Variants in PTPRD observed in about 807,000 individuals in gnomAD.
PTPRD encodes protein tyrosine phosphatase receptor type D, also known as receptor-type tyrosine-protein phosphatase delta.
In PTPRD, 34 loss-of-function variants were observed where a neutral mutation model predicts 214.5. The observed-to-expected ratio is 0.16, with a 90% CI of 0.12 to 0.21. The LOEUF (loss-of-function observed/expected upper bound fraction) is 0.21. PTPRD is among the 10% of genes least tolerant of loss of function. PTPRD has a pLI of 1.00. For synonymous variants in PTPRD, 1,128 were observed against 845.7 expected (o/e 1.33, Z -5.79); for missense variants, 2,545 against 2,398.7 (o/e 1.06, Z -1.27).
intron 10 of PTPRD, among the ~76,000 whole-genome samples, chr9:9,019,386 G>A (rs1247856460): frequency 6.6e-6 from 1 of 151,546 alleles, no homozygotes; most frequent in South Asian, 2.1e-4. Flanking sequence ...ATTAGGCTGA[G>A]GGCTTATTAA....
intron 8 of PTPRD, among the ~76,000 whole-genome samples, chr9:9,451,596 A>C (rs1023772151): frequency 4.3e-4 from 66 of 151,806 alleles, no homozygotes; most frequent in African/African-American, 1.5e-3. Flanking sequence ...TAAGGCAGCA[A>C]GTTGGTATGA....
intron 21 of PTPRD, among the ~76,000 whole-genome samples, chr9:8,513,837 T>C (rs1051077129): frequency 6.6e-6 from 1 of 152,064 alleles, no homozygotes; most frequent in African/African-American, 2.4e-5. Flanking sequence ...ATCAAATCAT[T>C]GTGCTATTTT....
chr9:9,188,037 A>G (rs1593178913), intron 9 of PTPRD, among the ~76,000 whole-genome samples: 2 of 152,090 alleles, frequency 1.3e-5, no homozygotes, highest in African/African-American at 4.8e-5. Flanking sequence ...TTCCAGTAAT[A>G]CATACTTCAT....
chr9:8,516,447 G>A (rs916611131), intron 21 of PTPRD, among the ~76,000 whole-genome samples: 26 of 152,086 alleles, frequency 1.7e-4, no homozygotes, highest in Non-Finnish European at 2.5e-4. Flanking sequence ...AAAGGCAGGC[G>A]AACTATTAAT....
intron 8 of PTPRD, among the ~76,000 whole-genome samples, chr9:9,422,803 C>T (rs1325758179): frequency 6.6e-6 from 1 of 152,106 alleles, no homozygotes; most frequent in Non-Finnish European, 1.5e-5. Flanking sequence ...AGATAGTTTT[C>T]CTTGAGACCT....
Position 8,527,335 on chromosome 9 carries a change from A to G in PTPRD, c.550+10T>C. 6.2e-7 allele frequency: 1 copy of G among 1,607,220 alleles called. No homozygotes were observed. The highest frequency in any genetic ancestry group is 2.2e-5 in the East Asian group (1 of 44,796). On this transcript the variant is annotated intron_variant, in intron 16 of 45. Coordinates refer to ENST00000381196, the MANE Select transcript of PTPRD (RefSeq NM_002839.4). ...TGGGGTTGAAGTGCGCTTCAGAACTAAGCACTTACCAATAGATTCTGGAGA... is the reference window on the plus strand; with the variant it reads ...TGGGGTTGAAGTGCGCTTCAGAACTGAGCACTTACCAATAGATTCTGGAGA...
intron 9 of PTPRD, among the ~76,000 whole-genome samples, chr9:9,218,514 C>T (rs1322247781): frequency 6.6e-6 from 1 of 152,064 alleles, no homozygotes; most frequent in Admixed American, 6.6e-5. Flanking sequence ...ATAGGTCTGA[C>T]AATTTTAGGT....
intron 2 of PTPRD, among the ~76,000 whole-genome samples, chr9:10,597,120 A>G (rs1000241864): frequency 2.0e-5 from 3 of 151,410 alleles, no homozygotes; most frequent in Non-Finnish European, 4.4e-5. Flanking sequence ...TATTTCACAT[A>G]TATGTATGAC....
intron 14 of PTPRD, among the ~76,000 whole-genome samples, chr9:8,581,536 C>G (rs917293106): frequency 1.1e-4 from 16 of 148,316 alleles, no homozygotes; most frequent in African/African-American, 3.0e-4. Context: ...ATCACGAGGT[C>G]AGGATATTGA....
At chr9:9,408,676 A>G (rs2074367831) in intron 8 of PTPRD, among the ~76,000 whole-genome samples, 1 of 151,946 alleles carries the variant, frequency 6.6e-6, no homozygotes, top group Non-Finnish European at 1.5e-5. Flanking sequence ...CTGGGTTATC[A>G]GACAGAACAT....
intron 6 of PTPRD, among the ~76,000 whole-genome samples, chr9:9,742,750 CT>C (rs1564913386): frequency 6.6e-6 from 1 of 152,080 alleles, no homozygotes; most frequent in Admixed American, 6.6e-5. Context: ...TTAGACACAC[CT>C]GTTATAAATA....
chr9:8,819,708 A>G (rs1200421938), intron 11 of PTPRD, among the ~76,000 whole-genome samples: 1 of 152,128 alleles, frequency 6.6e-6, no homozygotes, highest in Admixed American at 6.6e-5. Context: ...AACTTTCTAC[A>G]TTACATTTTA....
At chr9:9,769,366 C>T (rs2098733488) in intron 5 of PTPRD, among the ~76,000 whole-genome samples, 1 of 113,756 alleles carries the variant, frequency 8.8e-6, no homozygotes, top group Non-Finnish European at 1.7e-5. Context: ...CACTGTGTCA[C>T]CTAGGCTGGA....
intron 10 of PTPRD, among the ~76,000 whole-genome samples, chr9:9,101,863 A>T (rs10977493): frequency 0.096 from 14,619 of 152,280 alleles, 843 homozygotes; most frequent in East Asian, 0.16. Flanking sequence ...CCAGAATTCT[A>T]GGATTACTTA....
intron 10 of PTPRD, among the ~76,000 whole-genome samples, chr9:9,086,800 G>C (rs537123152): frequency 1.3e-5 from 2 of 152,084 alleles, no homozygotes; most frequent in African/African-American, 4.8e-5. Flanking sequence ...AAGATGACTG[G>C]TTAGGTGAGT....
intron 9 of PTPRD, among the ~76,000 whole-genome samples, chr9:9,389,501 A>T (rs2065068036): frequency 6.6e-6 from 1 of 152,184 alleles, no homozygotes; most frequent in African/African-American, 2.4e-5. Context: ...TTCCAACTCC[A>T]TCTCAAAATA....
intron 30 of PTPRD, among the ~76,000 whole-genome samples, chr9:8,476,173 G>A (rs2096760257): frequency 6.6e-6 from 1 of 152,112 alleles, no homozygotes; most frequent in South Asian, 2.1e-4. Flanking sequence ...CCACGGACAG[G>A]GTGGGGATTG....
At chr9:10,503,857 C>CTT (rs1260383797) in intron 2 of PTPRD, among the ~76,000 whole-genome samples, 1 of 151,770 alleles carries the variant, frequency 6.6e-6, no homozygotes, top group East Asian at 2.0e-4. Flanking sequence ...GGGCTCACAC[C>CTT]TGTAATCCCA....
intron 14 of PTPRD, among the ~76,000 whole-genome samples, chr9:8,560,733 C>A (rs1361204114): frequency 6.6e-6 from 1 of 152,076 alleles, no homozygotes; most frequent in Non-Finnish European, 1.5e-5. Context: ...CAAAGTGATG[C>A]AATGATCATG....
Sources: allele counts gnomAD v4.1 joint callset (sites outside exome capture counted in the v4.1 genomes callset), GRCh38; gene constraint gnomAD v4.1.1; transcripts MANE v1.5; gene names NCBI Gene and HGNC (gene_info 2026-07-23, HGNC 2026-07-21).